Variants in IL1RAPL1 observed in about 807,000 individuals in gnomAD.
The protein encoded by IL1RAPL1 is interleukin 1 receptor accessory protein like 1, also known as interleukin-1 receptor accessory protein-like 1.
In IL1RAPL1, 3 loss-of-function variants were observed where a neutral mutation model predicts 48.4. That is an observed-to-expected ratio of 0.06 (90% confidence interval 0.03 to 0.16). The LOEUF is 0.16. IL1RAPL1 is among the 10% of genes least tolerant of loss of function. The probability of loss-of-function intolerance (pLI) is 1.00; values close to 1 mark genes in which losing one functional copy is unlikely to be tolerated. For missense variants in IL1RAPL1, 349 were observed against 530.6 expected, an observed-to-expected ratio of 0.66 and a Z score of 3.36; for synonymous variants, 185 against 187.7, an observed-to-expected ratio of 0.99 and a Z score of 0.12.
chrX:28,970,296 C>T (rs1245606650), intron 2 of IL1RAPL1, among the ~76,000 whole-genome samples: 1 of 112,361 alleles, frequency 8.9e-6, no homozygotes, highest in East Asian at 2.8e-4. Flanking sequence ...GCCACTGCGC[C>T]CAGCCAAAAC....
At chrX:28,740,996 A>T (rs772156640) in intron 1 of IL1RAPL1, among the ~76,000 whole-genome samples, 2 of 112,295 alleles carry the variant, frequency 1.8e-5, no homozygotes, top group African/African-American at 3.2e-5. Flanking sequence ...TCTGTCGTCC[A>T]CAATGATGGA....
At chrX:29,593,800 G>A (rs1314378914) in intron 5 of IL1RAPL1, among the ~76,000 whole-genome samples, 1 of 111,921 alleles carries the variant, frequency 8.9e-6, no homozygotes, top group Non-Finnish European at 1.9e-5. Flanking sequence ...GGAAGTCCCA[G>A]TGAGATGCCC....
intron 3 of IL1RAPL1, among the ~76,000 whole-genome samples, chrX:29,304,268 T>C (rs1269302153): frequency 2.7e-5 from 3 of 111,573 alleles, no homozygotes; most frequent in African/African-American, 9.8e-5. Context: ...ACTCTTTTTT[T>C]TCTGATTCTA....
intron 6 of IL1RAPL1, among the ~76,000 whole-genome samples, chrX:29,719,169 G>A (rs1369797121): frequency 2.7e-5 from 3 of 111,277 alleles, no homozygotes; most frequent in African/African-American, 9.8e-5. Context: ...AGGATGATAT[G>A]AGTTCCTTAT....
intron 3 of IL1RAPL1, among the ~76,000 whole-genome samples, chrX:29,322,515 T>G (rs1932811059): frequency 8.9e-6 from 1 of 112,312 alleles, no homozygotes; most frequent in South Asian, 3.7e-4. Flanking sequence ...TCTGTCTGCC[T>G]CAGCCTCCCA....
intron 3 of IL1RAPL1, among the ~76,000 whole-genome samples, chrX:29,300,116 C>T (rs1384215059): frequency 2.7e-5 from 3 of 112,100 alleles, no homozygotes; most frequent in Non-Finnish European, 3.8e-5. Context: ...GCCTTCAAAA[C>T]TGTAAACTAA....
intron 6 of IL1RAPL1, among the ~76,000 whole-genome samples, chrX:29,867,362 C>A (rs1023295554): frequency 9.0e-6 from 1 of 111,194 alleles, no homozygotes; most frequent in Non-Finnish European, 1.9e-5. Context: ...GAAACGGGGC[C>A]TTTTGGAGGT....
intron 3 of IL1RAPL1, among the ~76,000 whole-genome samples, chrX:29,301,996 A>G (rs1377399119): frequency 9.0e-6 from 1 of 111,719 alleles, no homozygotes; most frequent in Non-Finnish European, 1.9e-5. Flanking sequence ...GGCTGGAGTG[A>G]AAAGTGCAAA....
At chrX:29,837,298 T>TACAC (rs1212984543) in intron 6 of IL1RAPL1, among the ~76,000 whole-genome samples, 3 of 70,323 alleles carry the variant, frequency 4.3e-5, no homozygotes, top group African/African-American at 2.1e-4. Flanking sequence ...TATATATATA[T>TACAC]ATACACACAC....
At chrX:28,996,772 A>G (rs747724576) in intron 2 of IL1RAPL1, among the ~76,000 whole-genome samples, 2 of 111,281 alleles carry the variant, frequency 1.8e-5, no homozygotes, top group South Asian at 7.6e-4. Context: ...TGTAGCCGTC[A>G]TAGGATGTGT....
intron 6 of IL1RAPL1, among the ~76,000 whole-genome samples, chrX:29,802,777 A>G (rs1334082750): frequency 4.4e-3 from 106 of 24,362 alleles, no homozygotes; most frequent in Non-Finnish European, 5.7e-3. Context: ...ATATATATAT[A>G]TATATGTGTG....
At position 29,115,873 on chromosome X, in the gene IL1RAPL1, A is replaced by G. The variant is rs1053611985; in HGVS notation, c.83-167065A>G. On this transcript the variant is annotated intron_variant, in intron 2 of 10. Coordinates refer to ENST00000378993, the MANE Select transcript of IL1RAPL1 (RefSeq NM_014271.4). Reference sequence around the variant, plus strand: ...TTGAGTGGTTGAGTTTTATATTCTTACTCTAATTTTCCTTCTTCCATTTTG... The same window carrying G: ...TTGAGTGGTTGAGTTTTATATTCTTGCTCTAATTTTCCTTCTTCCATTTTG... Among the ~76,000 whole-genome samples, 74 of 105,837 alleles carry G rather than the reference A, an allele frequency of 7.0e-4. 1 individual carries two copies. Among genetic ancestry groups the G allele is most frequent in the African/African-American group, 2.2e-3 (64 of 29,096 alleles). The allele number at this position is 105,837 out of a possible 115,157, so 91.9% of individuals were successfully genotyped here.
At chrX:28,665,047 A>C (rs1234405955) in intron 1 of IL1RAPL1, among the ~76,000 whole-genome samples, 1 of 112,235 alleles carries the variant, frequency 8.9e-6, no homozygotes, top group Non-Finnish European at 1.9e-5. Context: ...TGAACTGGAC[A>C]TAGTCAAATA....
intron 5 of IL1RAPL1, among the ~76,000 whole-genome samples, chrX:29,616,755 C>G (rs1924302075): frequency 9.0e-6 from 1 of 110,988 alleles, no homozygotes; most frequent in African/African-American, 3.3e-5. Context: ...GGAGACGATG[C>G]TGACTGGGGA....
chrX:29,461,228 A>C lies in IL1RAPL1; in HGVS notation c.703+61920A>C, dbSNP rs142868308. 8.7e-4 allele frequency among the ~76,000 whole-genome samples: 97 copies of C among 111,838 alleles called. 1 individual carries two copies. The highest frequency in any genetic ancestry group is 2.9e-3 in the African/African-American group (91 of 30,895). On this transcript the variant is annotated intron_variant, in intron 5 of 10. Coordinates refer to ENST00000378993, the MANE Select transcript of IL1RAPL1 (RefSeq NM_014271.4). Reference sequence around the variant, plus strand: ...GAAATGCAAATTAAAACCACATAGAAATACCACATTGCACCCACTAGAATG... The same window carrying C: ...GAAATGCAAATTAAAACCACATAGACATACCACATTGCACCCACTAGAATG...
At chrX:29,251,807 C>T (rs1235602572) in intron 2 of IL1RAPL1, among the ~76,000 whole-genome samples, 2 of 110,726 alleles carry the variant, frequency 1.8e-5, no homozygotes, top group Non-Finnish European at 3.8e-5. Flanking sequence ...GTAGGACTTC[C>T]GTGACAAATA....
intron 3 of IL1RAPL1, among the ~76,000 whole-genome samples, chrX:29,333,713 C>T (rs868357085): frequency 1.5e-3 from 57 of 39,280 alleles, no homozygotes; most frequent in African/African-American, 3.1e-3. Context: ...GGGGGGCTGA[C>T]CCCCCCACCT....
At chrX:29,100,653 A>G (rs983003078) in intron 2 of IL1RAPL1, among the ~76,000 whole-genome samples, 1 of 111,156 alleles carries the variant, frequency 9.0e-6, no homozygotes, top group East Asian at 2.8e-4. Flanking sequence ...TCAGAGTCCA[A>G]CTCTTCGGGT....
At chrX:29,489,976 G>C (rs182769742) in intron 5 of IL1RAPL1, among the ~76,000 whole-genome samples, 24 of 111,405 alleles carry the variant, frequency 2.2e-4, no homozygotes, top group Admixed American at 1.8e-3. Flanking sequence ...GAAGTTCAAA[G>C]ATCACCTTAT....
Sources: allele counts gnomAD v4.1 joint callset (sites outside exome capture counted in the v4.1 genomes callset), GRCh38; gene constraint gnomAD v4.1.1; transcripts MANE v1.5; gene names NCBI Gene and HGNC (gene_info 2026-07-23, HGNC 2026-07-21).